Variants in ROBO2 observed in about 807,000 individuals in gnomAD.
ROBO2 encodes roundabout guidance receptor 2.
In ROBO2, 53 loss-of-function variants were observed where a neutral mutation model predicts 160.8. That is an observed-to-expected ratio of 0.33 (90% confidence interval 0.26 to 0.41). ROBO2 has a LOEUF of 0.41. Among genes scored for constraint, ROBO2 ranks in the 10% least tolerant of loss-of-function variants. The pLI, the probability that ROBO2 is intolerant of heterozygous loss-of-function variation, is 1.00. For missense variants in ROBO2, 1,577 were observed against 1,722.4 expected (o/e 0.92, Z 1.49); for synonymous variants, 664 against 611.7 (o/e 1.09, Z -1.26).
At chr3:75,939,032 T>C (rs1947919791) in intron 2 of ROBO2, among the ~76,000 whole-genome samples, 2 of 152,158 alleles carry the variant, frequency 1.3e-5, no homozygotes, top group Admixed American at 1.3e-4. Context: ...TCTGGTAATG[T>C]GTAAAATTAC....
At chr3:77,636,885 A>G (rs1477231062) in intron 24 of ROBO2, among the ~76,000 whole-genome samples, 4 of 152,218 alleles carry the variant, frequency 2.6e-5, no homozygotes, top group Non-Finnish European at 5.9e-5. Context: ...TTTAATTCTT[A>G]TAACTTTTAA....
At chr3:77,634,892 A>C (rs760465782) in exon 24 of ROBO2, 1 of 1,614,072 alleles carries the variant, frequency 6.2e-7, no homozygotes, top group South Asian at 1.1e-5. Context: ...CCTCCTCTCA[A>C]AGACCTCGAC....
chr3:76,834,539 A>G (rs1559576443), intron 2 of ROBO2, among the ~76,000 whole-genome samples: 1 of 151,814 alleles, frequency 6.6e-6, no homozygotes, highest in African/African-American at 2.4e-5. Context: ...TGCCTGGCTA[A>G]TTTTTATATT....
At chr3:76,424,203 T>C (rs538556573) in intron 2 of ROBO2, among the ~76,000 whole-genome samples, 140 of 152,310 alleles carry the variant, frequency 9.2e-4, no homozygotes, top group African/African-American at 3.2e-3. Flanking sequence ...TGTAAAAATA[T>C]TATTCAATAC....
chr3:77,417,144 G>C (rs1477636845), intron 2 of ROBO2, among the ~76,000 whole-genome samples: 1 of 151,812 alleles, frequency 6.6e-6, no homozygotes. Context: ...TCATGTGAGG[G>C]ACATTGACTG....
intron 2 of ROBO2, among the ~76,000 whole-genome samples, chr3:76,405,093 A>C (rs1185077123): frequency 6.6e-6 from 1 of 151,586 alleles, no homozygotes; most frequent in Non-Finnish European, 1.5e-5. Context: ...GGATGAAAGA[A>C]TAAAGGTGCT....
chr3:76,990,659 T>C (rs956882023), intron 2 of ROBO2, among the ~76,000 whole-genome samples: 4 of 151,996 alleles, frequency 2.6e-5, no homozygotes, highest in Admixed American at 6.6e-5. Context: ...CTCTCTAAAA[T>C]AGTAATTGGT....
intron 2 of ROBO2, among the ~76,000 whole-genome samples, chr3:77,210,604 A>G (rs1580006365): frequency 6.6e-6 from 1 of 152,166 alleles, no homozygotes; most frequent in Non-Finnish European, 1.5e-5. Flanking sequence ...TTTTTTTATT[A>G]TACTTTAAGT....
At chr3:77,439,187 T>C (rs1482579918) in intron 2 of ROBO2, among the ~76,000 whole-genome samples, 3 of 152,100 alleles carry the variant, frequency 2.0e-5, no homozygotes, top group Non-Finnish European at 4.4e-5. Flanking sequence ...TATTATCCAT[T>C]GTCCCTTAAA....
In ROBO2 at chr3:76,571,156, T is replaced by C. The variant is rs553311277; in HGVS notation, c.110-526858T>C. On this transcript the variant is annotated intron_variant, in intron 2 of 26. Coordinates refer to the ROBO2 transcript ENST00000487694. ...TAAATAAATATTAAGTATTATGCAG[T>C]ATTATTGAAAAGAAACCAGGAAATA... 5.9e-5 allele frequency among the ~76,000 whole-genome samples: 9 copies of C among 152,256 alleles called. No individual in the cohort carries two copies. In the East Asian group the frequency reaches 1.2e-3, roughly 20 times the overall value.
rs2075787784 is a variant in ROBO2 at position 77,130,807 on chromosome 3, C to A, written c.388+32467C>A. Among the ~76,000 whole-genome samples, 3 of 152,016 alleles carry A rather than the reference C, an allele frequency of 2.0e-5. No homozygotes were observed. The South Asian group carries it at 6.2e-4, about 32-fold the overall frequency. ...TTTCATTTTCTATGTAGAAAAACTTCAAAGTAATCGCCATGATTTTCTAGT... is the reference window on the plus strand; with the variant it reads ...TTTCATTTTCTATGTAGAAAAACTTAAAAGTAATCGCCATGATTTTCTAGT... On this transcript the variant is annotated intron_variant, in intron 2 of 25. Transcript: ENST00000461745.
chr3:76,082,902 C>T (rs576235449), intron 2 of ROBO2, among the ~76,000 whole-genome samples: 3 of 151,712 alleles, frequency 2.0e-5, no homozygotes, highest in African/African-American at 7.3e-5. Context: ...GATGAAGACC[C>T]GGACCAAGGC....
intron 2 of ROBO2, among the ~76,000 whole-genome samples, chr3:77,365,636 A>G (rs1157465183): frequency 6.6e-6 from 1 of 152,186 alleles, no homozygotes. Context: ...AGTTAAGTTC[A>G]GCAGAAGACT....
chr3:76,052,626 A>G (rs765208910), intron 2 of ROBO2, among the ~76,000 whole-genome samples: 1 of 152,028 alleles, frequency 6.6e-6, no homozygotes, highest in Non-Finnish European at 1.5e-5. Flanking sequence ...TTGCTGCTTT[A>G]TAAAACAAAA....
chr3:76,874,477 T>C (rs1020851212), intron 2 of ROBO2, among the ~76,000 whole-genome samples: 1 of 152,178 alleles, frequency 6.6e-6, no homozygotes. Context: ...CATGGTTTTG[T>C]TTTAAATTAC....
intron 2 of ROBO2, among the ~76,000 whole-genome samples, chr3:76,200,194 T>G (rs1379401592): frequency 2.0e-5 from 3 of 152,116 alleles, no homozygotes; most frequent in Non-Finnish European, 4.4e-5. Context: ...GAATTGGACT[T>G]AAATGCAATC....
chr3:76,825,925 A>T (rs1183426189), intron 2 of ROBO2, among the ~76,000 whole-genome samples: 1 of 152,068 alleles, frequency 6.6e-6, no homozygotes, highest in Non-Finnish European at 1.5e-5. Context: ...GTTAATATTC[A>T]TATGTGGTAT....
chr3:76,826,287 G>T (rs952609305), intron 2 of ROBO2, among the ~76,000 whole-genome samples: 1 of 151,982 alleles, frequency 6.6e-6, no homozygotes, highest in Non-Finnish European at 1.5e-5. Context: ...ACACACTAGG[G>T]CCTCATCCAT....
At chr3:77,457,451 C>T (rs1035303751) in intron 2 of ROBO2, among the ~76,000 whole-genome samples, 7 of 151,838 alleles carry the variant, frequency 4.6e-5, no homozygotes, top group African/African-American at 1.5e-4. Context: ...GAAATTTGAG[C>T]GTAGCGAAAA....
Sources: allele counts gnomAD v4.1 joint callset (sites outside exome capture counted in the v4.1 genomes callset), GRCh38; gene constraint gnomAD v4.1.1; transcripts MANE v1.5; gene names NCBI Gene and HGNC (gene_info 2026-07-23, HGNC 2026-07-21).